Variants in GALNT13 observed in about 807,000 individuals in gnomAD.
The protein encoded by GALNT13 is UDP-GalNAc:polypeptide N-acetylgalactosaminyltransferase 13.
A neutral mutation model predicts 64.2 loss-of-function variants in GALNT13; 28 were observed. The observed-to-expected ratio is 0.44, with a 90% confidence interval of 0.32 to 0.60. The LOEUF is 0.60. Ranked by LOEUF, GALNT13 falls within the 20% of genes least tolerant of loss-of-function variation. The pLI is 0.05. For missense variants in GALNT13, 577 were observed against 669.8 expected (o/e 0.86, Z 1.53); for synonymous variants, 214 against 224.6 (o/e 0.95, Z 0.42).
the GALNT13 span, among the ~76,000 whole-genome samples, chr2:153,183,710 A>G: frequency 3.9e-5 from 6 of 152,142 alleles, no homozygotes; most frequent in East Asian, 3.9e-4. Context: ...TTGCAGCACC[A>G]TTTATTAAGG....
the GALNT13 span, among the ~76,000 whole-genome samples, chr2:153,285,464 A>T: frequency 2.0e-5 from 3 of 152,330 alleles, no homozygotes; most frequent in East Asian, 5.8e-4. Flanking sequence ...GTAGAAGGAA[A>T]TTGCGAATGT....
chr2:153,529,536 G>A, the GALNT13 span, among the ~76,000 whole-genome samples: 31 of 151,882 alleles, frequency 2.0e-4, no homozygotes, highest in Admixed American at 1.6e-3. Flanking sequence ...AATAGAGGAG[G>A]AGGGATTACT....
the GALNT13 span, among the ~76,000 whole-genome samples, chr2:153,719,873 G>A: frequency 1.3e-5 from 2 of 151,996 alleles, no homozygotes; most frequent in East Asian, 3.9e-4. Context: ...AGGCGGCAGC[G>A]AGGCTGGGGG....
chr2:153,812,940 TTTGTG>T, the GALNT13 span, among the ~76,000 whole-genome samples: 1 of 152,200 alleles, frequency 6.6e-6, no homozygotes, highest in Non-Finnish European at 1.5e-5. Flanking sequence ...ACATACAGGT[TTTGTG>T]TTATCTTTTT....
At chr2:153,849,265 T>C in the GALNT13 span, among the ~76,000 whole-genome samples, 3 of 152,258 alleles carry the variant, frequency 2.0e-5, no homozygotes, top group East Asian at 3.9e-4. Flanking sequence ...TAGAAGAAAC[T>C]ATCTTAAACT....
intron 3 of GALNT13, among the ~76,000 whole-genome samples, chr2:153,966,959 C>G (rs1336854014): frequency 2.0e-5 from 3 of 152,034 alleles, no homozygotes; most frequent in Non-Finnish European, 4.4e-5. Flanking sequence ...TTCATACAGT[C>G]TATCTTCAAG....
chr2:153,935,564 C>T (rs1690848060), intron 2 of GALNT13, among the ~76,000 whole-genome samples: 1 of 152,180 alleles, frequency 6.6e-6, no homozygotes, highest in Non-Finnish European at 1.5e-5. Flanking sequence ...TATGCAAGTT[C>T]CTGTGTTTGT....
chr2:154,379,075 A>G (rs1161979299), intron 9 of GALNT13, among the ~76,000 whole-genome samples: 1 of 152,154 alleles, frequency 6.6e-6, no homozygotes, highest in Non-Finnish European at 1.5e-5. Context: ...CTAGAAATAC[A>G]TAATGTGTGC....
chr2:153,630,803 ATATATT>A, the GALNT13 span, among the ~76,000 whole-genome samples: 123 of 17,460 alleles, frequency 7.0e-3, no homozygotes, highest in South Asian at 0.016. Flanking sequence ...ATATATATAT[ATATATT>A]TTTTTTTTTT....
Position 153,998,342 on chromosome 2 carries a change from G to A in GALNT13, c.142+53703G>A, listed in dbSNP as rs551104880. ...CCTTTAATGATCACCATTCTAACTGGCATGAGATGGTATCTTATTGTGGTT... is the reference window on the plus strand; with the variant it reads ...CCTTTAATGATCACCATTCTAACTGACATGAGATGGTATCTTATTGTGGTT... On this transcript the variant is annotated intron_variant, in intron 3 of 12. Transcript: ENST00000392825. Among the ~76,000 whole-genome samples the A allele has an allele frequency of 2.7e-4, 41 of 152,158 alleles. No homozygotes were observed. The Middle Eastern group carries it at 0.01, about 38-fold the overall frequency.
At chr2:153,573,540 T>C in the GALNT13 span, among the ~76,000 whole-genome samples, 1 of 151,910 alleles carries the variant, frequency 6.6e-6, no homozygotes. Context: ...CATTCATTAA[T>C]GGAGATAATT....
At chr2:154,061,907 G>A (rs1409083287) in intron 3 of GALNT13, among the ~76,000 whole-genome samples, 1 of 152,104 alleles carries the variant, frequency 6.6e-6, no homozygotes, top group Admixed American at 6.6e-5. Context: ...GAGTATATGT[G>A]TACAATATCC....
chr2:154,364,612 G>T (rs967541907), intron 9 of GALNT13, among the ~76,000 whole-genome samples: 2 of 152,062 alleles, frequency 1.3e-5, no homozygotes, highest in Non-Finnish European at 2.9e-5. Context: ...TTTCTTATAT[G>T]ACTATTGAGT....
At chr2:154,165,873 A>C (rs1245167789) in intron 4 of GALNT13, among the ~76,000 whole-genome samples, 1 of 152,216 alleles carries the variant, frequency 6.6e-6, no homozygotes, top group Non-Finnish European at 1.5e-5. Context: ...CAAACTCCAC[A>C]GGTGGAAAAG....
the GALNT13 span, among the ~76,000 whole-genome samples, chr2:153,595,990 T>C: frequency 1.3e-5 from 2 of 152,210 alleles, no homozygotes; most frequent in African/African-American, 4.8e-5. Flanking sequence ...CTTGCATGCA[T>C]TTCTTCACCC....
At chr2:153,203,290 G>A in the GALNT13 span, among the ~76,000 whole-genome samples, 3 of 152,078 alleles carry the variant, frequency 2.0e-5, no homozygotes, top group Non-Finnish European at 4.4e-5. Context: ...CAATTTCTGG[G>A]AACAGAAAAT....
intron 4 of GALNT13, among the ~76,000 whole-genome samples, chr2:154,208,066 T>G (rs181087077): frequency 6.6e-6 from 1 of 152,178 alleles, no homozygotes; most frequent in Non-Finnish European, 1.5e-5. Flanking sequence ...ATGTTATCAA[T>G]TTTTCATAAG....
the GALNT13 span, among the ~76,000 whole-genome samples, chr2:153,521,985 A>G: frequency 6.6e-6 from 1 of 152,182 alleles, no homozygotes; most frequent in Non-Finnish European, 1.5e-5. Context: ...GAAATTATGA[A>G]CTAAACTCCT....
chr2:153,655,661 A>G, the GALNT13 span, among the ~76,000 whole-genome samples: 1 of 152,164 alleles, frequency 6.6e-6, no homozygotes, highest in East Asian at 1.9e-4. Flanking sequence ...AGAATAGAGT[A>G]TTTATACACT....
Sources: gnomAD v4.1 joint callset for allele counts (sites outside exome capture counted in the v4.1 genomes callset) on GRCh38, gnomAD v4.1.1 for gene constraint, MANE v1.5 for transcripts, NCBI Gene and HGNC (gene_info 2026-07-23, HGNC 2026-07-21) for gene names.